CADPS: variants seen among roughly 807,000 people sequenced by gnomAD.
CADPS encodes calcium dependent secretion activator.
Under a neutral mutation model 167.3 loss-of-function variants are expected in CADPS, and 57 were observed. That is an observed-to-expected ratio of 0.34 (90% CI 0.28 to 0.42). The LOEUF (loss-of-function observed/expected upper bound fraction) is 0.42, where lower values mean the gene tolerates loss of function less well. Ranked by LOEUF, CADPS falls within the 20% of genes least tolerant of loss-of-function variation. The pLI, the probability that CADPS is intolerant of heterozygous loss-of-function variation, is 1.00. For missense variants in CADPS, 1,414 were observed against 1,738.1 expected (o/e 0.81, Z 3.32); for synonymous variants, 676 against 635.3 (o/e 1.06, Z -0.96).
chr3:62,584,928 G>C (rs1016318337), intron 8 of CADPS, among the ~76,000 whole-genome samples: 1 of 152,136 alleles, frequency 6.6e-6, no homozygotes, highest in African/African-American at 2.4e-5. Flanking sequence ...CATGCTGCTA[G>C]GAAAGTTTTG....
At chr3:62,808,113 T>C (rs2094198775) in intron 1 of CADPS, among the ~76,000 whole-genome samples, 1 of 146,274 alleles carries the variant, frequency 6.8e-6, no homozygotes, top group Non-Finnish European at 1.6e-5. Flanking sequence ...GACCTCATGA[T>C]CCGCCAGCCT....
chr3:62,420,851 A>G lies in CADPS; in HGVS notation c.3777+17253T>C, dbSNP rs567529316. Among the ~76,000 whole-genome samples the G allele has an allele frequency of 6.9e-6, 1 of 144,886 alleles. No individual in the cohort carries two copies. The highest frequency in any genetic ancestry group is 2.2e-4 in the South Asian group (1 of 4,446). ...ACTCTATTTTTTTTCTCTTTATGGG[A>G]GGGAGAACGAACACACACACACACA... On this transcript the variant is annotated intron_variant, in intron 28 of 29. Transcript: ENST00000383710. This position sits in a 1 kb window ranked among gnomAD's most constrained non-coding sequence, Gnocchi z 4.1.
intron 3 of CADPS, among the ~76,000 whole-genome samples, chr3:62,724,347 T>C (rs1301486051): frequency 1.3e-5 from 2 of 152,146 alleles, no homozygotes; most frequent in Non-Finnish European, 2.9e-5. Context: ...CTGAGCACAA[T>C]TGCAATGGCA....
intron 3 of CADPS, among the ~76,000 whole-genome samples, chr3:62,671,855 C>A (rs566299429): frequency 1.3e-5 from 2 of 152,228 alleles, no homozygotes; most frequent in African/African-American, 2.4e-5. Context: ...CTCCACCTCC[C>A]AAGTTAAAGT....
rs56077940 is a variant in CADPS, at chr3:62,604,701, T to C, written c.1326-11953A>G. On this transcript the variant is annotated intron_variant, in intron 6 of 29. Coordinates refer to ENST00000383710, the MANE Select transcript of CADPS (RefSeq NM_003716.4). The stretch of plus-strand genomic sequence containing the variant: ...GCATCCCAAGGATCTCCCCCTTTGT[T>C]GTAAAAGGAGGTGAGATTTTTGTCC... Among the ~76,000 whole-genome samples, 98 of 152,344 alleles carry C rather than the reference T, an allele frequency of 6.4e-4. 1 individual carries two copies. Among genetic ancestry groups the C allele is most frequent in the African/African-American group, 2.3e-3 (94 of 41,586 alleles).
intron 13 of CADPS, among the ~76,000 whole-genome samples, chr3:62,527,719 G>T (rs2072649045): frequency 6.6e-6 from 1 of 152,144 alleles, no homozygotes; most frequent in Non-Finnish European, 1.5e-5. Context: ...GCAGGGCAAG[G>T]TTCTGCCTCT....
At chr3:62,829,942 A>T (rs2074770796) in intron 1 of CADPS, among the ~76,000 whole-genome samples, 1 of 152,158 alleles carries the variant, frequency 6.6e-6, no homozygotes, top group East Asian at 1.9e-4. Flanking sequence ...ACTTGTTGTC[A>T]ATAAACAGGG....
rs1368225682 is a variant in CADPS at position 62,602,512 on chromosome 3, T to C, written c.1326-9764A>G. Among the ~76,000 whole-genome samples, 1 of 152,166 alleles carries C rather than the reference T, an allele frequency of 6.6e-6. No homozygotes were observed. Among genetic ancestry groups the C allele is most frequent in the Non-Finnish European group, 1.5e-5 (1 of 68,024 alleles). On this transcript the variant is annotated intron_variant, in intron 6 of 29. Coordinates refer to ENST00000383710, the MANE Select transcript of CADPS (RefSeq NM_003716.4). The surrounding 1 kb of genome is among the most constrained non-coding windows in gnomAD (Gnocchi z 4.4). Reference sequence around the variant, plus strand: ...AATAATTGCCTGGAGACAGCTGCATTAAAATCTTGTGGCCTGCCTTTGAGG... The same window carrying C: ...AATAATTGCCTGGAGACAGCTGCATCAAAATCTTGTGGCCTGCCTTTGAGG...
At chr3:62,831,260 C>T (rs1559826629) in intron 1 of CADPS, among the ~76,000 whole-genome samples, 2 of 152,170 alleles carry the variant, frequency 1.3e-5, no homozygotes, top group Non-Finnish European at 2.9e-5. Context: ...ACATTATCTT[C>T]ATTTTCCAGA....
chr3:62,437,140 G>A lies in CADPS; in HGVS notation c.3777+964C>T, dbSNP rs150854038. Among the ~76,000 whole-genome samples the A allele has an allele frequency of 2.6e-3, 401 of 152,100 alleles. 1 individual carries two copies. The highest frequency in any genetic ancestry group is 4.2e-3 in the Non-Finnish European group (288 of 68,002). ...ACTAAAAATATGGAAACCTGGACAG[G>A]AGGAGCTCACGTTTCACAAGACAGA... On this transcript the variant is annotated intron_variant, in intron 28 of 29. Transcript: ENST00000383710.
At chr3:62,790,789 T>C (rs569423428) in intron 1 of CADPS, among the ~76,000 whole-genome samples, 1 of 152,306 alleles carries the variant, frequency 6.6e-6, no homozygotes, top group Non-Finnish European at 1.5e-5. Context: ...GTCCAGCTCT[T>C]AACAAAGCTA....
intron 3 of CADPS, among the ~76,000 whole-genome samples, chr3:62,683,926 A>G (rs1392143735): frequency 3.3e-5 from 5 of 152,158 alleles, no homozygotes; most frequent in Admixed American, 2.6e-4. Flanking sequence ...TCAAAGGTAT[A>G]TGCTGTCAAC....
At chr3:62,688,228 T>C (rs34589129) in intron 3 of CADPS, among the ~76,000 whole-genome samples, 11,726 of 113,578 alleles carry the variant, frequency 0.1, 611 homozygotes, top group Non-Finnish European at 0.15. Context: ...CCAGTAGCTT[T>C]CTTTCCCCTG....
chr3:62,672,802 T>C (rs2075763031), intron 3 of CADPS, among the ~76,000 whole-genome samples: 1 of 152,126 alleles, frequency 6.6e-6, no homozygotes, highest in Admixed American at 6.6e-5. Flanking sequence ...GTATTTTTCG[T>C]AGAGACGGGG....
chr3:62,853,635 A>AAAAG (rs1553771030), intron 1 of CADPS, among the ~76,000 whole-genome samples: 7 of 150,506 alleles, frequency 4.7e-5, no homozygotes, highest in East Asian at 2.0e-4. Flanking sequence ...AAAAAAAAAA[A>AAAAG]AAAAGAAAAG....
At chr3:62,780,512 G>A (rs576277513) in intron 1 of CADPS, among the ~76,000 whole-genome samples, 3 of 152,268 alleles carry the variant, frequency 2.0e-5, no homozygotes, top group Admixed American at 2.0e-4. Context: ...CAAGCTTGGA[G>A]AATGAGGTCC....
chr3:62,721,136 A>ATTTTTTTTT (rs1564299437), intron 3 of CADPS, among the ~76,000 whole-genome samples: 10 of 72,778 alleles, frequency 1.4e-4, no homozygotes, highest in African/African-American at 6.8e-4. Flanking sequence ...TTTTTTTTTA[A>ATTTTTTTTT]AAAAAAAAAG....
rs746914811 is a variant in CADPS, at chr3:62,610,035, G to A, written c.1326-17287C>T. Among the ~76,000 whole-genome samples, 45 of 151,968 alleles carry A rather than the reference G, an allele frequency of 3.0e-4. 1 individual carries two copies. The highest frequency in any genetic ancestry group is 2.0e-3 in the Admixed American group (30 of 15,248). ...GCCCAGGGGGTCGAGGCTGTAGAGAGTCAAGACTGAGCCACTGCATTTCAG... is the reference window on the plus strand; with the variant it reads ...GCCCAGGGGGTCGAGGCTGTAGAGAATCAAGACTGAGCCACTGCATTTCAG... On this transcript the variant is annotated intron_variant, in intron 6 of 29. Transcript: ENST00000383710.
At chr3:62,797,577 C>T (rs903934435) in intron 1 of CADPS, among the ~76,000 whole-genome samples, 8 of 152,054 alleles carry the variant, frequency 5.3e-5, no homozygotes, top group African/African-American at 1.9e-4. Context: ...GAAAACCAAA[C>T]ACCACATGTT....
Sources: gnomAD v4.1 joint callset for allele counts (sites outside exome capture counted in the v4.1 genomes callset) on GRCh38, gnomAD v4.1.1 for gene constraint, Gnocchi (gnomAD v3.1) non-coding constraint, MANE v1.5 for transcripts, NCBI Gene and HGNC (gene_info 2026-07-23, HGNC 2026-07-21) for gene names.